Variants in MAP3K8 observed in about 807,000 individuals in gnomAD.
MAP3K8 encodes mitogen-activated protein kinase kinase kinase 8.
MAP3K8 carries 22 observed loss-of-function variants against 45.8 expected under a neutral mutation model. The ratio of observed to expected loss-of-function variants is 0.48; its 90% CI spans 0.34 to 0.69. The LOEUF is 0.69. Among genes scored for constraint, MAP3K8 ranks in the 30% least tolerant of loss-of-function variants. MAP3K8 has a pLI of 0.01. For missense variants in MAP3K8, 419 were observed against 585.0 expected, an observed-to-expected ratio of 0.72 and a Z score of 2.93; for synonymous variants, 223 against 214.3, an observed-to-expected ratio of 1.04 and a Z score of -0.36.
intron 6 of MAP3K8, among the ~76,000 whole-genome samples, chr10:30,453,027 T>A (rs995281808): frequency 2.0e-5 from 3 of 152,130 alleles, no homozygotes; most frequent in Non-Finnish European, 4.4e-5. Flanking sequence ...AACTTTATAA[T>A]AAGTTTAGCA....
intron 6 of MAP3K8, among the ~76,000 whole-genome samples, chr10:30,451,966 A>T (rs903380495): frequency 2.0e-5 from 3 of 152,118 alleles, no homozygotes; most frequent in Admixed American, 2.0e-4. Context: ...TTTATAATAC[A>T]TAATAGTATT....
chr10:30,453,385 G>A (rs1288830082), intron 6 of MAP3K8, among the ~76,000 whole-genome samples: 2 of 152,080 alleles, frequency 1.3e-5, no homozygotes. Flanking sequence ...TAAACCTCAA[G>A]TAGTGAGCAT....
At chr10:30,437,596 T>G (rs563691777) in intron 2 of MAP3K8, among the ~76,000 whole-genome samples, 190 bp downstream of exon 2, 1 of 152,314 alleles carries the variant, frequency 6.6e-6, no homozygotes, top group South Asian at 2.1e-4. Context: ...TCAGACACAA[T>G]TCATACGTCA....
chr10:30,460,063 G>C lies in MAP3K8; in HGVS notation c.1273+562G>C, dbSNP rs1026593889. On this transcript the variant is annotated intron_variant, in intron 8 of 8. Coordinates refer to ENST00000263056, the MANE Select transcript of MAP3K8 (RefSeq NM_005204.4). Reference sequence around the variant, plus strand: ...TCACCGTGTTGGCCAGGCTGGTCTCGAACTCCTGACCTCAGGCAATCCACC... The same window carrying C: ...TCACCGTGTTGGCCAGGCTGGTCTCCAACTCCTGACCTCAGGCAATCCACC... 5.9e-5 allele frequency among the ~76,000 whole-genome samples: 9 copies of C among 152,140 alleles called. No homozygotes were observed. The East Asian group carries it at 1.7e-3, about 29-fold the overall frequency.
chr10:30,438,531 A>C (rs8176966), intron 2 of MAP3K8, among the ~76,000 whole-genome samples: 2 of 152,182 alleles, frequency 1.3e-5, no homozygotes, highest in African/African-American at 4.8e-5. Context: ...CTTCGGGGGA[A>C]TAGCTGGGTT....
chr10:30,461,049 G>A lies in MAP3K8; in HGVS notation c.*213G>A, dbSNP rs1836923809. 2.2e-5 allele frequency: 10 copies of A among 459,566 alleles called. No individual in the cohort carries two copies. The South Asian group carries it at 4.3e-4, about 20-fold the overall frequency. The allele number at this position is 459,566 out of a possible 1,614,324, so 28.5% of individuals were successfully genotyped here. A position where few individuals can be genotyped will look rare whatever the true frequency, so the allele number is the denominator to read the frequency against. Reference sequence around the variant, plus strand: ...CAGGTCTCAAGGTTCTCATTTCTCAGGTGACGTGATTCTAAGGCAGGAATT... The same window carrying A: ...CAGGTCTCAAGGTTCTCATTTCTCAAGTGACGTGATTCTAAGGCAGGAATT... On this transcript the variant is annotated 3_prime_UTR_variant, in exon 9 of 9. Coordinates refer to ENST00000263056, the MANE Select transcript of MAP3K8 (RefSeq NM_005204.4).
At chr10:30,446,184 C>T (rs143244408) in intron 3 of MAP3K8, among the ~76,000 whole-genome samples, 37 of 152,280 alleles carry the variant, frequency 2.4e-4, no homozygotes, top group Admixed American at 5.9e-4. Context: ...TGAGCCACCG[C>T]ACCTAGTTGT....
chr10:30,459,496 T>A lies in MAP3K8; in HGVS notation c.1268T>A (p.Ile423Asn). 6.2e-7 allele frequency: 1 copy of A among 1,613,630 alleles called. No homozygotes were observed. The highest frequency in any genetic ancestry group is 8.5e-7 in the Non-Finnish European group (1 of 1,179,988). Residue 423 changes from isoleucine to asparagine, a missense_variant, in exon 8 of 9, where the codon ATT becomes AAT. Physicochemically the swap from Ile to Asn is moderately radical, Grantham distance 149. This residue lies in a region of MAP3K8 where 108 missense variants were observed against 124.2 expected (regional missense o/e 0.87). Transcript: ENST00000263056. ...SRKELELPEN[I>N]ADSSCTGSTE... ...AAGGAGCTGGAACTTCCTGAGAACA[T>A]TGCTGGTAGGGACACCCTGCTGTGT...
At chr10:30,439,548 G>A (rs1192890140) in intron 3 of MAP3K8, 5 of 660,310 alleles carry the variant, frequency 7.6e-6, no homozygotes, top group South Asian at 2.4e-5. Flanking sequence ...AGGGGCTCAC[G>A]CCTGTAATCC....
At chr10:30,439,378 G>T in intron 3 of MAP3K8, 104 bp downstream of exon 3, 2 of 1,483,734 alleles carry the variant, frequency 1.3e-6, no homozygotes, top group South Asian at 1.4e-5. Context: ...GGGCTGGCAG[G>T]CATGATTTTA....
At chr10:30,437,648 A>C (rs532190939) in intron 2 of MAP3K8, among the ~76,000 whole-genome samples, 5 of 152,336 alleles carry the variant, frequency 3.3e-5, no homozygotes, top group African/African-American at 1.2e-4. Flanking sequence ...ACTAAATTGC[A>C]TGGTTCTTTT....
chr10:30,453,848 T>C (rs1836633815), intron 6 of MAP3K8, among the ~76,000 whole-genome samples: 1 of 128,682 alleles, frequency 7.8e-6, no homozygotes, highest in Admixed American at 9.2e-5. Flanking sequence ...GCCTGAGCAA[T>C]AGAGTCAGAC....
At chr10:30,439,451 T>A in intron 3 of MAP3K8, 177 bp downstream of exon 3, 5 of 1,198,422 alleles carry the variant, frequency 4.2e-6, no homozygotes, top group Non-Finnish European at 4.6e-6. Flanking sequence ...AAGTCTTCAT[T>A]AAAATTTCTA....
chr10:30,447,657 G>T, intron 3 of MAP3K8, 125 bp from the exon 4 acceptor site: 1 of 763,572 alleles, frequency 1.3e-6, no homozygotes, highest in African/African-American at 1.8e-5. Flanking sequence ...ATTAAGCACA[G>T]TGACATTAAT....
chr10:30,454,013 A>C (rs1233777071), intron 6 of MAP3K8, among the ~76,000 whole-genome samples: 1 of 151,162 alleles, frequency 6.6e-6, no homozygotes, highest in Non-Finnish European at 1.5e-5. Context: ...GAAAGCATGC[A>C]CAACAGTTTA....
intron 1 of MAP3K8, chr10:30,434,766 G>T: frequency 1.0e-6 from 1 of 985,536 alleles, no homozygotes; most frequent in Non-Finnish European, 1.2e-6. Context: ...CAGCTCGGAG[G>T]CTGGAGGACC....
chr10:30,455,578 A>G (rs1438359429), intron 6 of MAP3K8, among the ~76,000 whole-genome samples: 1 of 152,244 alleles, frequency 6.6e-6, no homozygotes, highest in Non-Finnish European at 1.5e-5. Context: ...GTGAATGCGA[A>G]TAACAAATCA....
chr10:30,460,623 G>A, intron 8 of MAP3K8, 83 bp from the exon 9 acceptor site: 2 of 1,187,394 alleles, frequency 1.7e-6, no homozygotes, highest in East Asian at 2.5e-5. Flanking sequence ...AGGCCCCAAA[G>A]ATTTATTTCA....
chr10:30,452,843 T>C (rs1385035186), intron 6 of MAP3K8, among the ~76,000 whole-genome samples: 1 of 12,542 alleles, frequency 8.0e-5, no homozygotes, highest in African/African-American at 3.3e-4. Context: ...ATCCAGCTAA[T>C]TTTTTTTTTT....
Sources: allele counts gnomAD v4.1 joint callset (sites outside exome capture counted in the v4.1 genomes callset), GRCh38; gene constraint gnomAD v4.1.1; regional missense constraint gnomAD v4.1.1; transcripts MANE v1.5; gene names NCBI Gene and HGNC (gene_info 2026-07-23, HGNC 2026-07-21).